ADGRV1: variants seen among roughly 807,000 people sequenced by gnomAD.
The protein encoded by ADGRV1 is G-protein coupled receptor 98.
ADGRV1 carries 359 observed loss-of-function variants against 596.2 expected under a neutral mutation model. The ratio of observed to expected loss-of-function variants is 0.60; its 90% confidence interval spans 0.55 to 0.66. The LOEUF (loss-of-function observed/expected upper bound fraction) is 0.66. Ranked by LOEUF, ADGRV1 falls within the 30% of genes least tolerant of loss-of-function variation. The pLI is 0.00. For synonymous variants in ADGRV1, 2,681 were observed against 2,679.2 expected, an observed-to-expected ratio of 1.00 and a Z score of -0.02; for missense variants, 7,274 against 7,575.6, an observed-to-expected ratio of 0.96 and a Z score of 1.48.
At chr5:90,753,549 AC>A (rs1267813206) in intron 53 of ADGRV1, 24 bp from the exon 54 acceptor site, 3 of 1,537,556 alleles carry the variant, frequency 2.0e-6, no homozygotes, top group African/African-American at 2.7e-5. Context: ...AAAATAAATA[AC>A]ATCTTCTTTC....
Position 90,745,231 on chromosome 5 carries a change from G to C in ADGRV1, c.10735G>C (p.Ala3579Pro). The stretch of plus-strand genomic sequence containing the variant: ...AGCTCATTCACATATATATGAGCTA[G>C]CCTACATTTCCAGCCATTCTGACTT... ...VGAHSHIYELAYISSHSDFIP... is the reference protein window; with the variant it reads ...VGAHSHIYELPYISSHSDFIP... Residue 3579 changes from alanine (A) to proline (P), a missense_variant, in exon 51 of 90, where the codon GCC (alanine) becomes CCC (proline). Physicochemically the swap from Ala to Pro is conservative, Grantham distance 27. This residue lies in a region of ADGRV1 where 3,643 missense variants were observed against 3,809.2 expected (regional missense o/e 0.96). Coordinates refer to ENST00000405460, the MANE Select transcript of ADGRV1 (RefSeq NM_032119.4). 1 of 1,604,616 alleles carries C rather than the reference G, an allele frequency of 6.2e-7. No individual in the cohort carries two copies. The highest frequency in any genetic ancestry group is 8.5e-7 in the Non-Finnish European group (1 of 1,177,172).
intron 83 of ADGRV1, among the ~76,000 whole-genome samples, chr5:90,928,914 G>A (rs1324685382): frequency 6.9e-6 from 1 of 144,682 alleles, no homozygotes; most frequent in Admixed American, 6.9e-5. Context: ...GTGTGCCCCT[G>A]CTGGGGGGTG....
At chr5:90,725,773 T>C (rs1751689800) in intron 48 of ADGRV1, 117 bp downstream of exon 48, 1 of 629,104 alleles carries the variant, frequency 1.6e-6, no homozygotes, top group Admixed American at 3.2e-5. Context: ...AAAATTTGAT[T>C]GTGGTAAAGT....
intron 78 of ADGRV1, among the ~76,000 whole-genome samples, chr5:90,847,376 C>T (rs1581306239): frequency 1.3e-5 from 2 of 152,236 alleles, no homozygotes; most frequent in African/African-American, 4.8e-5. Flanking sequence ...ATACAGAGTG[C>T]CGATTGGTGT....
intron 17 of ADGRV1, among the ~76,000 whole-genome samples, chr5:90,651,041 A>G (rs1768536979): frequency 1.3e-5 from 2 of 152,182 alleles, no homozygotes; most frequent in South Asian, 4.1e-4. Context: ...ACTGGAGTAG[A>G]AAGGAATCAA....
chr5:90,655,132 C>T (rs893959140), intron 20 of ADGRV1: 4 of 152,258 alleles, frequency 2.6e-5, no homozygotes, highest in Non-Finnish European at 5.9e-5. Context: ...TCATCAGTTT[C>T]AGCACTCATG....
intron 50 of ADGRV1, among the ~76,000 whole-genome samples, chr5:90,741,410 G>A (rs536688606): frequency 3.3e-5 from 5 of 152,196 alleles, no homozygotes; most frequent in African/African-American, 1.2e-4. Flanking sequence ...AGTAAATTAT[G>A]TATCTTTCAT....
At chr5:90,986,603 T>C (rs1428181703) in intron 85 of ADGRV1, among the ~76,000 whole-genome samples, 1 of 152,078 alleles carries the variant, frequency 6.6e-6, no homozygotes, top group African/African-American at 2.4e-5. Context: ...CACACTAATA[T>C]ACTATGTATT....
chr5:90,775,638 A>C (rs771258280), intron 60 of ADGRV1, among the ~76,000 whole-genome samples: 3 of 152,064 alleles, frequency 2.0e-5, no homozygotes, highest in Non-Finnish European at 2.9e-5. Flanking sequence ...CACTATGCCC[A>C]GTTAATTTAT....
intron 78 of ADGRV1, among the ~76,000 whole-genome samples, chr5:90,842,572 G>T (rs2150364857): frequency 6.6e-6 from 1 of 152,170 alleles, no homozygotes; most frequent in South Asian, 2.1e-4. Context: ...ACAAAAATTA[G>T]CCGGGCATGG....
intron 85 of ADGRV1, among the ~76,000 whole-genome samples, chr5:91,035,884 T>TATATA (rs1554202414): frequency 1.2e-4 from 8 of 66,682 alleles, no homozygotes; most frequent in Non-Finnish European, 2.1e-4. Flanking sequence ...TATATATATC[T>TATATA]TACAACAATG....
At position 90,628,829 on chromosome 5, in the gene ADGRV1, G is replaced by A. The variant is rs761154537; in HGVS notation, c.1506G>A (p.Ala502=). 81 of 1,613,556 alleles carry A rather than the reference G, an allele frequency of 5.0e-5. No homozygotes were observed. The highest frequency in any genetic ancestry group is 8.3e-5 in the Admixed American group (5 of 59,964). Residue 502 remains alanine, a synonymous_variant, in exon 8 of 90, where the codon GCG becomes GCA. Coordinates refer to ENST00000405460, the MANE Select transcript of ADGRV1 (RefSeq NM_032119.4). ...GAGGTGCAGAAGTGAGCGAGCCAGCGGAGGTATAACCCTTGTTATGCTTTA... is the reference window on the plus strand; with the variant it reads ...GAGGTGCAGAAGTGAGCGAGCCAGCAGAGGTATAACCCTTGTTATGCTTTA... ...IRGGAEVSEP[A]ELLFYIQDSD...
At chr5:91,024,712 A>C (rs111851767) in intron 85 of ADGRV1, among the ~76,000 whole-genome samples, 1 of 152,144 alleles carries the variant, frequency 6.6e-6, no homozygotes, top group Non-Finnish European at 1.5e-5. Context: ...AGCGTTCTCC[A>C]TAGGGTTTAG....
intron 75 of ADGRV1, among the ~76,000 whole-genome samples, chr5:90,822,532 C>G (rs181683211): frequency 0.038 from 5,835 of 152,150 alleles, 165 homozygotes; most frequent in African/African-American, 0.077. Flanking sequence ...GTTACTGTAG[C>G]CTTGTAGTAT....
chr5:90,708,645 A>G (rs1298383157), intron 38 of ADGRV1, among the ~76,000 whole-genome samples, 171 bp from the exon 39 acceptor site: 1 of 152,096 alleles, frequency 6.6e-6, no homozygotes, highest in African/African-American at 2.4e-5. Context: ...ACAACCAAGT[A>G]TAAGTTTAAT....
At position 90,837,675 on chromosome 5, in the gene ADGRV1, T is replaced by C. The variant is rs563832395; in HGVS notation, c.16612-2903T>C. 2.5e-4 allele frequency among the ~76,000 whole-genome samples: 38 copies of C among 152,298 alleles called. No homozygotes were observed. In the Middle Eastern group the frequency reaches 0.01, roughly 41 times the overall value. ...ATAATTCTTCTTTGTGTTTATTATA[T>C]GTATTTTATAAACACAAGAACATTT... On this transcript the variant is annotated intron_variant, in intron 77 of 89. Coordinates refer to ENST00000405460, the MANE Select transcript of ADGRV1 (RefSeq NM_032119.4).
intron 82 of ADGRV1, among the ~76,000 whole-genome samples, chr5:90,861,544 C>T (rs981386853): frequency 2.0e-5 from 3 of 151,628 alleles, no homozygotes; most frequent in East Asian, 3.9e-4. Context: ...CTCCTGACCT[C>T]GTGATCTGCC....
intron 84 of ADGRV1, among the ~76,000 whole-genome samples, chr5:90,977,714 T>C (rs1779731674): frequency 6.6e-6 from 1 of 152,118 alleles, no homozygotes; most frequent in Admixed American, 6.5e-5. Context: ...TAAAAATAAA[T>C]AGATAGGTTT....
chr5:90,977,561 G>A (rs1779716157), intron 84 of ADGRV1, among the ~76,000 whole-genome samples: 1 of 152,148 alleles, frequency 6.6e-6, no homozygotes, highest in Non-Finnish European at 1.5e-5. Context: ...ATTATATGAA[G>A]ATATATGAAT....
Sources: gnomAD v4.1 joint callset for allele counts (sites outside exome capture counted in the v4.1 genomes callset) on GRCh38, gnomAD v4.1.1 for gene constraint, gnomAD v4.1.1 regional missense constraint, MANE v1.5 for transcripts, NCBI Gene and HGNC (gene_info 2026-07-23, HGNC 2026-07-21) for gene names.